The following CFAP95 variants were observed in gnomAD, a reference collection of about 807,000 sequenced individuals.
CFAP95 encodes the protein cilia and flagella associated protein 95.
chr9:69,829,424 T>C, the CFAP95 span, among the ~76,000 whole-genome samples: 1 of 152,162 alleles, frequency 6.6e-6, no homozygotes, highest in South Asian at 2.1e-4. Flanking sequence ...TTTACAAAAA[T>C]AAAATCGTTT....
chr9:69,850,705 A>C, the CFAP95 span, among the ~76,000 whole-genome samples: 9 of 152,198 alleles, frequency 5.9e-5, no homozygotes, highest in Non-Finnish European at 1.3e-4. Flanking sequence ...GAATATTTTA[A>C]ATGCCATTGC....
At chr9:69,890,942 G>A in the CFAP95 span, among the ~76,000 whole-genome samples, 1 of 152,112 alleles carries the variant, frequency 6.6e-6, no homozygotes, top group Admixed American at 6.5e-5. Context: ...GAAGAAAATT[G>A]CAACCCGTTT....
At chr9:69,845,693 G>T in the CFAP95 span, among the ~76,000 whole-genome samples, 5 of 151,158 alleles carry the variant, frequency 3.3e-5, no homozygotes, top group Admixed American at 2.0e-4. Context: ...CCTGGATATA[G>T]AATGAGCAAA....
the CFAP95 span, among the ~76,000 whole-genome samples, chr9:69,858,721 A>G: frequency 1.2e-3 from 180 of 152,330 alleles, 3 homozygotes; most frequent in East Asian, 0.033. Context: ...TATTTCCACT[A>G]AGATCAATGG....
chr9:69,870,407 C>T, the CFAP95 span, among the ~76,000 whole-genome samples: 1 of 152,152 alleles, frequency 6.6e-6, no homozygotes, highest in Non-Finnish European at 1.5e-5. Context: ...GGTCACCTGG[C>T]ATGAAATATA....
the CFAP95 span, among the ~76,000 whole-genome samples, chr9:69,881,605 G>A: frequency 6.6e-6 from 1 of 152,084 alleles, no homozygotes; most frequent in Admixed American, 6.6e-5. Context: ...TGTGACTCTT[G>A]CAGTTTTGTT....
At chr9:69,822,500 C>T in the CFAP95 span, among the ~76,000 whole-genome samples, 1 of 152,168 alleles carries the variant, frequency 6.6e-6, no homozygotes, top group Non-Finnish European at 1.5e-5. Context: ...CTCTTTTAGC[C>T]TCATATAGGG....
the CFAP95 span, chr9:69,886,989 G>GCTAAAGCTTATGATATTTTAC: frequency 1.1e-6 from 1 of 908,216 alleles, no homozygotes; most frequent in East Asian, 2.5e-5. Context: ...AGGAGAAATT[G>GCTAAAGCTTATGATATTTTAC]CTAAAGCTTA....
the CFAP95 span, among the ~76,000 whole-genome samples, chr9:69,837,906 G>T: frequency 6.6e-6 from 1 of 152,082 alleles, no homozygotes; most frequent in Non-Finnish European, 1.5e-5. Flanking sequence ...ATTGATTTTT[G>T]TATAAGGTGT....
At chr9:69,873,562 C>A in the CFAP95 span, among the ~76,000 whole-genome samples, 14 of 152,256 alleles carry the variant, frequency 9.2e-5, no homozygotes, top group South Asian at 2.9e-3. Context: ...TTCCGTGACC[C>A]GCTGTGGCTA....
the CFAP95 span, among the ~76,000 whole-genome samples, chr9:69,850,809 C>T: frequency 6.6e-6 from 1 of 152,278 alleles, no homozygotes; most frequent in South Asian, 2.1e-4. Flanking sequence ...TGGTTGATGT[C>T]ACAGGTTTCA....
the CFAP95 span, among the ~76,000 whole-genome samples, chr9:69,833,056 G>A: frequency 1.5e-3 from 223 of 152,194 alleles, no homozygotes; most frequent in African/African-American, 5.3e-3. Context: ...CCCTTTTAAA[G>A]TGTATTTAAT....
chr9:69,896,328 T>G, the CFAP95 span, among the ~76,000 whole-genome samples: 5 of 152,226 alleles, frequency 3.3e-5, no homozygotes, highest in African/African-American at 1.2e-4. Flanking sequence ...TATTGCTTAG[T>G]TTTTGATGCT....
At chr9:69,858,367 TTCAGC>T in the CFAP95 span, among the ~76,000 whole-genome samples, 1 of 152,220 alleles carries the variant, frequency 6.6e-6, no homozygotes, top group East Asian at 1.9e-4. Flanking sequence ...GCCTTCTTGG[TTCAGC>T]TCTCATTCCA....
At chr9:69,880,551 A>G in the CFAP95 span, among the ~76,000 whole-genome samples, 2 of 152,186 alleles carry the variant, frequency 1.3e-5, no homozygotes, top group Non-Finnish European at 2.9e-5. Flanking sequence ...TTCTCTATCC[A>G]TTCACCTGTT....
chr9:69,856,522 C>A, the CFAP95 span: 7 of 1,349,696 alleles, frequency 5.2e-6, no homozygotes, highest in South Asian at 1.3e-5. Context: ...AGTGAAAATT[C>A]ATTTTTCTTA....
At chr9:69,895,369 C>CTCTCTGTG in the CFAP95 span, among the ~76,000 whole-genome samples, 309 of 107,896 alleles carry the variant, frequency 2.9e-3, 2 homozygotes, top group African/African-American at 0.011. Flanking sequence ...CTCTCTCTCT[C>CTCTCTGTG]TGTGTGTGTG....
chr9:69,847,309 G>A, the CFAP95 span, among the ~76,000 whole-genome samples: 2 of 152,130 alleles, frequency 1.3e-5, no homozygotes, highest in African/African-American at 4.8e-5. Context: ...AGCTGTTCAG[G>A]CAGGTATCAT....
At chr9:69,868,129 G>A in the CFAP95 span, among the ~76,000 whole-genome samples, 1 of 152,092 alleles carries the variant, frequency 6.6e-6, no homozygotes, top group African/African-American at 2.4e-5. Flanking sequence ...AGTTCAAATT[G>A]TGGGGACTGA....
Sources: gnomAD v4.1 joint callset for allele counts (sites outside exome capture counted in the v4.1 genomes callset) on GRCh38, gnomAD v4.1.1 for gene constraint, MANE v1.5 for transcripts, NCBI Gene and HGNC (gene_info 2026-07-23, HGNC 2026-07-21) for gene names.